The following COPG2 variants were observed in gnomAD, a reference collection of about 807,000 sequenced individuals.
COPG2 encodes coatomer subunit gamma-2.
In COPG2, 37 loss-of-function variants were observed where a neutral mutation model predicts 46.3. The ratio of observed to expected loss-of-function variants is 0.80; its 90% CI spans 0.61 to 1.05. The LOEUF (loss-of-function observed/expected upper bound fraction) is 1.05, where lower values mean the gene tolerates loss of function less well. Among genes scored for constraint, COPG2 ranks in the 50% least tolerant of loss-of-function variants. COPG2 has a pLI of 0.00. For missense variants in COPG2, 427 were observed against 387.8 expected (o/e 1.10, Z -0.85); for synonymous variants, 159 against 129.7 (o/e 1.23, Z -1.53).
chr7:130,589,281 C>CT (rs782136713), intron 9 of COPG2, among the ~76,000 whole-genome samples: 2,543 of 145,192 alleles, frequency 0.018, 65 homozygotes, highest in African/African-American at 0.059. Flanking sequence ...TACAGGTTTA[C>CT]TTTTTTTTTT....
chr7:130,605,910 T>A, intron 9 of COPG2: 1 of 387,512 alleles, frequency 2.6e-6, no homozygotes, highest in South Asian at 2.0e-5. Flanking sequence ...ACTAACAGAT[T>A]TTGGTACCTG....
In COPG2 at chr7:130,661,070, G is replaced by A. The variant is rs547328175; in HGVS notation, c.243+1897C>T. ...GAAAAACATTCACCATGTAGCTGGA[G>A]AAAAACATTGGTAATACTTTAAATT... On this transcript the variant is annotated intron_variant, in intron 4 of 23. Transcript: ENST00000425248. 9.7e-4 allele frequency among the ~76,000 whole-genome samples: 148 copies of A among 152,310 alleles called. 1 individual carries two copies. Among genetic ancestry groups the A allele is most frequent in the African/African-American group, 3.5e-3 (145 of 41,578 alleles).
At chr7:130,633,620 C>A (rs1296064572) in intron 5 of COPG2, among the ~76,000 whole-genome samples, 1 of 152,114 alleles carries the variant, frequency 6.6e-6, no homozygotes, top group Admixed American at 6.5e-5. Flanking sequence ...TAGATATCAG[C>A]CCTTTGTCAG....
chr7:130,546,336 G>C (rs1584969090), intron 20 of COPG2, among the ~76,000 whole-genome samples: 1 of 152,202 alleles, frequency 6.6e-6, no homozygotes, highest in Non-Finnish European at 1.5e-5. Context: ...TTACTGGCTA[G>C]TGGACATATT....
chr7:130,541,045 G>C (rs1799930672), intron 20 of COPG2, among the ~76,000 whole-genome samples: 3 of 152,202 alleles, frequency 2.0e-5, no homozygotes, highest in Non-Finnish European at 4.4e-5. Context: ...AGGATGGAGA[G>C]CCGGGCAGAC....
intron 9 of COPG2, among the ~76,000 whole-genome samples, chr7:130,566,080 T>A (rs943211097): frequency 1.2e-4 from 18 of 152,166 alleles, no homozygotes; most frequent in Non-Finnish European, 2.4e-4. Flanking sequence ...AACATTAATT[T>A]ATGTACCCAA....
At chr7:130,553,263 G>A (rs1793561611) in intron 14 of COPG2, among the ~76,000 whole-genome samples, 2 of 152,096 alleles carry the variant, frequency 1.3e-5, no homozygotes, top group South Asian at 4.2e-4. Flanking sequence ...ATTAGGGTAT[G>A]GTTTAATCTC....
Position 130,506,582 on chromosome 7 carries a change from T to C in COPG2, c.*94A>G. Reference sequence around the variant, plus strand: ...TAATTTGCTTCTCCAAAGTCATTCATCTTCAAAAGTCTGATTCTGGGAAAC... The same window carrying C: ...TAATTTGCTTCTCCAAAGTCATTCACCTTCAAAAGTCTGATTCTGGGAAAC... On this transcript the variant is annotated 3_prime_UTR_variant, in exon 24 of 24. Coordinates refer to ENST00000425248, the MANE Select transcript of COPG2 (RefSeq NM_012133.6). 1 of 526,838 alleles carries C rather than the reference T, an allele frequency of 1.9e-6. No homozygotes were observed. Among genetic ancestry groups the C allele is most frequent in the South Asian group, 2.9e-5 (1 of 34,178 alleles). 32.6% of individuals were successfully genotyped at this position (526,838 alleles called of 1,614,324 possible). A position where few individuals can be genotyped will look rare whatever the true frequency, so the allele number is the denominator to read the frequency against.
In COPG2 at chr7:130,522,659, A is replaced by T. The variant is rs1799733686; in HGVS notation, c.2150-14000T>A. ...CAGAGGAAGAAAAGGAAATGTGCAG[A>T]AGAAAAGGAAATGTGCAAAAGAAAG... On this transcript the variant is annotated intron_variant, in intron 20 of 23. Transcript: ENST00000425248. Among the ~76,000 whole-genome samples, 3 of 152,150 alleles carry T rather than the reference A, an allele frequency of 2.0e-5. No homozygotes were observed. The South Asian group carries it at 6.2e-4, about 32-fold the overall frequency.
intron 9 of COPG2, among the ~76,000 whole-genome samples, chr7:130,608,783 T>A (rs1375065411): frequency 3.3e-5 from 5 of 152,178 alleles, no homozygotes; most frequent in African/African-American, 7.2e-5. Flanking sequence ...TTTTTACTTG[T>A]AATATATATG....
intron 4 of COPG2, among the ~76,000 whole-genome samples, chr7:130,655,586 C>G (rs552410000): frequency 4.6e-5 from 7 of 152,236 alleles, no homozygotes; most frequent in African/African-American, 1.4e-4. Flanking sequence ...CCCCGCCCCT[C>G]TTTTTTCTCT....
intron 9 of COPG2, among the ~76,000 whole-genome samples, chr7:130,596,592 A>G (rs1554449712): frequency 6.6e-6 from 1 of 152,188 alleles, no homozygotes; most frequent in Non-Finnish European, 1.5e-5. Flanking sequence ...CCTGGACACC[A>G]AGGCAGCCAG....
chr7:130,607,318 GT>G, intron 9 of COPG2: 1 of 181,782 alleles, frequency 5.5e-6, no homozygotes, highest in South Asian at 1.1e-4. Context: ...ATGCTACAAA[GT>G]TTTTGTTTGC....
chr7:130,626,789 T>A (rs1795128884), intron 5 of COPG2, among the ~76,000 whole-genome samples: 1 of 152,224 alleles, frequency 6.6e-6, no homozygotes, highest in Non-Finnish European at 1.5e-5. Context: ...TTGCCTTTTT[T>A]CTCCTGGAGA....
At chr7:130,542,066 G>T (rs1452629980) in intron 20 of COPG2, among the ~76,000 whole-genome samples, 4 of 125,808 alleles carry the variant, frequency 3.2e-5, no homozygotes, top group Admixed American at 7.2e-5. Context: ...AGAATGAGTT[G>T]GAGCAGGTTA....
intron 20 of COPG2, among the ~76,000 whole-genome samples, chr7:130,524,165 C>T (rs943205720): frequency 1.3e-5 from 2 of 152,162 alleles, no homozygotes; most frequent in African/African-American, 4.8e-5. Context: ...GTACCCATAG[C>T]CTGGACCACT....
chr7:130,607,371 A>T (rs1239995973), intron 9 of COPG2: 1 of 398,302 alleles, frequency 2.5e-6, no homozygotes, highest in Non-Finnish European at 4.9e-6. Context: ...GTTTCTATTG[A>T]TTGCTTTTTC....
intron 9 of COPG2, chr7:130,610,526 G>C: frequency 1.9e-6 from 1 of 519,596 alleles, no homozygotes; most frequent in Non-Finnish European, 3.9e-6. Flanking sequence ...CCTAGCCTTC[G>C]AAAGACTGCT....
rs540408017 is a variant in COPG2, at chr7:130,663,987, C to T, written c.172-949G>A. Among the ~76,000 whole-genome samples, 9 of 152,186 alleles carry T rather than the reference C, an allele frequency of 5.9e-5. No homozygotes were observed. The South Asian group carries it at 1.7e-3, about 28-fold the overall frequency. On this transcript the variant is annotated intron_variant, in intron 3 of 23. Transcript: ENST00000425248. ...AACTCCTGACCTCGTGATCCACCTGCCTCGGCCTCCCAAAGTGCTGGGATT... is the reference window on the plus strand; with the variant it reads ...AACTCCTGACCTCGTGATCCACCTGTCTCGGCCTCCCAAAGTGCTGGGATT...
Sources: gnomAD v4.1 joint callset for allele counts (sites outside exome capture counted in the v4.1 genomes callset) on GRCh38, gnomAD v4.1.1 for gene constraint, MANE v1.5 for transcripts, NCBI Gene and HGNC (gene_info 2026-07-23, HGNC 2026-07-21) for gene names.